SYNPO: variants seen among roughly 807,000 people sequenced by gnomAD.
SYNPO encodes the protein synaptopodin.
A neutral mutation model predicts 49.5 loss-of-function variants in SYNPO; 19 were observed. The ratio of observed to expected loss-of-function variants is 0.38; its 90% CI spans 0.27 to 0.56. SYNPO has a LOEUF of 0.56. SYNPO is among the 20% of genes least tolerant of loss of function. The probability of loss-of-function intolerance (pLI) is 0.68; values close to 1 mark genes in which losing one functional copy is unlikely to be tolerated. For synonymous variants in SYNPO, 536 were observed against 548.0 expected, an observed-to-expected ratio of 0.98 and a Z score of 0.31; for missense variants, 1,131 against 1,248.3, an observed-to-expected ratio of 0.91 and a Z score of 1.42.
chr5:150,591,373 G>T, the SYNPO span, among the ~76,000 whole-genome samples: 1 of 152,186 alleles, frequency 6.6e-6, no homozygotes, highest in East Asian at 1.9e-4. Flanking sequence ...TGCAGCATGC[G>T]CAGCTGAGCC....
chr5:150,648,781 C>A lies in SYNPO; in HGVS notation c.506C>A (p.Thr169Asn). The stretch of plus-strand genomic sequence containing the variant: ...TCAACTCCAGCTACCACCACCAGCA[C>A]CTTCTCCAGAGAAGCTACGCTCATC... Reference protein sequence around the residue: ...KVSTPATTTSTFSREATLIPS... With the variant: ...KVSTPATTTSNFSREATLIPS... Residue 169 changes from threonine (T) to asparagine (N), a missense_variant, in exon 2 of 3, where the codon ACC (threonine) becomes AAC (asparagine). Transcript: ENST00000307662. The surrounding 1 kb of genome is among the most constrained non-coding windows in gnomAD (Gnocchi z 5.0). 1 of 1,614,268 alleles carries A rather than the reference C, an allele frequency of 6.2e-7. No individual in the cohort carries two copies.
At chr5:150,647,042 A>G (rs1758120197) in intron 1 of SYNPO, among the ~76,000 whole-genome samples, 1 of 152,148 alleles carries the variant, frequency 6.6e-6, no homozygotes, top group Non-Finnish European at 1.5e-5. Context: ...CAGGAGTTCG[A>G]GACCAGCCTG....
chr5:150,611,143 G>A (rs140545538), intron 1 of SYNPO, among the ~76,000 whole-genome samples: 13 of 152,228 alleles, frequency 8.5e-5, no homozygotes, highest in Middle Eastern at 3.4e-3. Flanking sequence ...CTCCCAGGCC[G>A]CCTTTCTGGC....
At chr5:150,650,574 G>A in intron 2 of SYNPO, 7 of 1,455,384 alleles carry the variant, frequency 4.8e-6, no homozygotes, top group African/African-American at 1.4e-5. Flanking sequence ...GGGGAGGAGG[G>A]TCATGGAGAG....
chr5:150,598,542 C>T (rs1022069325), upstream of SYNPO, among the ~76,000 whole-genome samples: 1 of 152,172 alleles, frequency 6.6e-6, no homozygotes, highest in African/African-American at 2.4e-5. Flanking sequence ...AGTACAGTGC[C>T]CGGCACAGAG....
intron 2 of SYNPO, among the ~76,000 whole-genome samples, chr5:150,620,944 T>TCTTC (rs1757149071): frequency 7.0e-6 from 1 of 143,672 alleles, no homozygotes; most frequent in African/African-American, 2.6e-5. Flanking sequence ...TTTCTTTCTT[T>TCTTC]CTTTTCTTTT....
At chr5:150,619,859 C>G (rs986703159) in intron 2 of SYNPO, among the ~76,000 whole-genome samples, 1 of 152,228 alleles carries the variant, frequency 6.6e-6, no homozygotes, top group East Asian at 1.9e-4. Flanking sequence ...CATTGTCTAC[C>G]AGGCTGGGGT....
chr5:150,599,633 T>C (rs774913473), upstream of SYNPO, among the ~76,000 whole-genome samples: 7 of 152,146 alleles, frequency 4.6e-5, no homozygotes, highest in Non-Finnish European at 7.3e-5. Flanking sequence ...CTGCAAAGTG[T>C]ATCGGAGAAG....
chr5:150,620,961 T>C (rs1190670328), intron 2 of SYNPO, among the ~76,000 whole-genome samples: 5 of 144,146 alleles, frequency 3.5e-5, no homozygotes, highest in African/African-American at 5.1e-5. Context: ...TTTTCTTTTT[T>C]TTTTTTTTTG....
chr5:150,612,205 G>A (rs1307342059), intron 1 of SYNPO, among the ~76,000 whole-genome samples: 1 of 152,186 alleles, frequency 6.6e-6, no homozygotes, highest in African/African-American at 2.4e-5. Flanking sequence ...CTGGTGCTGA[G>A]GGTGCTTCCA....
At chr5:150,602,314 C>T (rs929067901) in intron 1 of SYNPO, among the ~76,000 whole-genome samples, 1 of 152,208 alleles carries the variant, frequency 6.6e-6, no homozygotes, top group African/African-American at 2.4e-5. Context: ...TTCCCTATCC[C>T]CACAATGGCA....
chr5:150,652,453 G>A (rs1389056396), intron 2 of SYNPO: 5 of 971,574 alleles, frequency 5.1e-6, no homozygotes, highest in Admixed American at 1.2e-4. Context: ...GTGAAAGTGT[G>A]GCTGTGTCCT....
chr5:150,611,606 G>A (rs1282482547), intron 1 of SYNPO, among the ~76,000 whole-genome samples: 1 of 152,218 alleles, frequency 6.6e-6, no homozygotes, highest in Non-Finnish European at 1.5e-5. Flanking sequence ...CAGGAGGTGG[G>A]CAGAAATGGA....
chr5:150,618,624 A>G, exon 2 of SYNPO: 1 of 1,551,442 alleles, frequency 6.4e-7, no homozygotes, highest in Non-Finnish European at 8.7e-7. Context: ...CTGGGCATCC[A>G]ACCACCCAGC....
rs1554106604 is a variant in SYNPO at position 150,602,997 on chromosome 5, G to GTGT, written c.-266+1809_-266+1810insTGT. 1.7e-3 allele frequency among the ~76,000 whole-genome samples: 223 copies of GTGT among 131,252 alleles called. 1 individual carries two copies. Among genetic ancestry groups the GTGT allele is most frequent in the African/African-American group, 6.2e-3 (211 of 33,810 alleles). The allele number at this position is 131,252 out of a possible 152,430, so 86.1% of individuals were successfully genotyped here. ...GTGGAAAGCCCAGTTGCCACCTTAGGGTGTGTGTGTGTGTGTGTGTGTGTG... is the reference window on the plus strand; with the variant it reads ...GTGGAAAGCCCAGTTGCCACCTTAGGTGTGTGTGTGTGTGTGTGTGTGTGTGTG... On this transcript the variant is annotated intron_variant, in intron 1 of 2. Transcript: ENST00000394243.
At chr5:150,586,306 T>G in the SYNPO span, among the ~76,000 whole-genome samples, 664 of 152,320 alleles carry the variant, frequency 4.4e-3, 3 homozygotes, top group African/African-American at 0.015. Flanking sequence ...TCCGCTGCAG[T>G]GGAGCTTCCT....
chr5:150,617,420 CA>C (rs1377067467), intron 1 of SYNPO, among the ~76,000 whole-genome samples: 1 of 152,192 alleles, frequency 6.6e-6, no homozygotes, highest in Non-Finnish European at 1.5e-5. Context: ...CTCAGCCTCC[CA>C]AGTAGCTGGG....
the SYNPO span, among the ~76,000 whole-genome samples, chr5:150,588,842 CA>C: frequency 1.3e-4 from 19 of 151,290 alleles, no homozygotes; most frequent in South Asian, 4.2e-4. Context: ...CACTTATTTA[CA>C]AAAAAAAGGC....
At chr5:150,590,781 G>T in the SYNPO span, among the ~76,000 whole-genome samples, 1 of 152,216 alleles carries the variant, frequency 6.6e-6, no homozygotes, top group Non-Finnish European at 1.5e-5. Flanking sequence ...GACACGTGAA[G>T]GGTCTCGAAA....
Sources: gnomAD v4.1 joint callset for allele counts (sites outside exome capture counted in the v4.1 genomes callset) on GRCh38, gnomAD v4.1.1 for gene constraint, Gnocchi (gnomAD v3.1) non-coding constraint, MANE v1.5 for transcripts, NCBI Gene and HGNC (gene_info 2026-07-23, HGNC 2026-07-21) for gene names.